The following ZC3H12B variants were observed in gnomAD, a reference collection of about 807,000 sequenced individuals.
ZC3H12B encodes probable ribonuclease ZC3H12B.
In ZC3H12B, 7 loss-of-function variants were observed where a neutral mutation model predicts 43.9. That is an observed-to-expected ratio of 0.16 (90% confidence interval 0.09 to 0.30). The LOEUF is 0.30. Ranked by LOEUF, ZC3H12B falls within the 10% of genes least tolerant of loss-of-function variation. The pLI, the probability that ZC3H12B is intolerant of heterozygous loss-of-function variation, is 1.00. For synonymous variants in ZC3H12B, 222 were observed against 241.7 expected (o/e 0.92, Z 0.76); for missense variants, 475 against 670.2 (o/e 0.71, Z 3.22).
the ZC3H12B span, among the ~76,000 whole-genome samples, chrX:65,202,147 G>GT: frequency 6.7e-3 from 433 of 64,419 alleles, 8 homozygotes; most frequent in African/African-American, 0.14. Context: ...TATATAATAT[G>GT]AAATATATAT....
At chrX:65,107,359 A>G in the ZC3H12B span, among the ~76,000 whole-genome samples, 60 of 111,413 alleles carry the variant, frequency 5.4e-4, no homozygotes, top group Non-Finnish European at 9.8e-4. Context: ...GACCTAGGTC[A>G]GTGTTAACAA....
At chrX:65,432,167 A>G (rs1454679439) in intron 3 of ZC3H12B, among the ~76,000 whole-genome samples, 1 of 111,666 alleles carries the variant, frequency 9.0e-6, no homozygotes, top group Non-Finnish European at 1.9e-5. Flanking sequence ...CTGGTCACAT[A>G]TATGCCACTT....
At chrX:65,251,034 T>A in the ZC3H12B span, among the ~76,000 whole-genome samples, 1 of 112,245 alleles carries the variant, frequency 8.9e-6, no homozygotes, top group African/African-American at 3.2e-5. Flanking sequence ...CTGAATGGTA[T>A]TGCCTAGGTT....
At chrX:65,427,389 T>C (rs1442151725) in intron 3 of ZC3H12B, among the ~76,000 whole-genome samples, 2 of 110,932 alleles carry the variant, frequency 1.8e-5, no homozygotes, top group Non-Finnish European at 3.8e-5. Context: ...AGAGTAGTGG[T>C]ATAATCTTGT....
the ZC3H12B span, among the ~76,000 whole-genome samples, chrX:65,123,603 A>T: frequency 1.8e-5 from 2 of 108,446 alleles, no homozygotes; most frequent in African/African-American, 7.1e-5. Flanking sequence ...GATTCTACCC[A>T]TCCATGAGCA....
the ZC3H12B span, among the ~76,000 whole-genome samples, chrX:65,196,818 G>A: frequency 9.0e-6 from 1 of 111,358 alleles, no homozygotes; most frequent in Non-Finnish European, 1.9e-5. Context: ...GGAAACGGAG[G>A]TTTTACCGGA....
At chrX:65,453,505 G>A (rs771926504) in intron 3 of ZC3H12B, among the ~76,000 whole-genome samples, 21 of 103,811 alleles carry the variant, frequency 2.0e-4, no homozygotes, top group African/African-American at 7.3e-4. Context: ...TGGATCACCT[G>A]AGATCAGGAG....
chrX:65,189,484 C>T, the ZC3H12B span, among the ~76,000 whole-genome samples: 4 of 107,702 alleles, frequency 3.7e-5, no homozygotes, highest in African/African-American at 1.0e-4. Flanking sequence ...TTAATGATTG[C>T]CATTCTAAAT....
At chrX:65,167,500 A>C in the ZC3H12B span, among the ~76,000 whole-genome samples, 1 of 111,300 alleles carries the variant, frequency 9.0e-6, no homozygotes, top group East Asian at 2.8e-4. Context: ...TTGTTCTTTT[A>C]GCTTAGGATT....
At chrX:65,167,291 A>C in the ZC3H12B span, among the ~76,000 whole-genome samples, 123 of 112,160 alleles carry the variant, frequency 1.1e-3, 1 homozygote, top group African/African-American at 3.7e-3. Flanking sequence ...ACCATTTATT[A>C]AATAGGGAAT....
chrX:65,159,284 G>GT, the ZC3H12B span, among the ~76,000 whole-genome samples: 2 of 109,497 alleles, frequency 1.8e-5, no homozygotes, highest in East Asian at 2.9e-4. Flanking sequence ...ATGAACTTTA[G>GT]TTTTTTCCAA....
rs752828840 is a variant in ZC3H12B at position 65,480,845 on chromosome X, T to G, written n.408-7801T>G. ...TGGGCAACAACAGTGAAACTCTGAC[T>G]CAAAAAAAAAAAAAAAGAGTACTAC... On this transcript the variant is annotated intron_variant and non_coding_transcript_variant, in intron 3 of 5. Coordinates refer to the ZC3H12B transcript ENST00000617377. Among the ~76,000 whole-genome samples, 127 of 69,295 alleles carry G rather than the reference T, an allele frequency of 1.8e-3. 1 individual carries two copies. Among genetic ancestry groups the G allele is most frequent in the African/African-American group, 0.017 (102 of 5,897 alleles). 60.2% of individuals were successfully genotyped at this position (69,295 alleles called of 115,157 possible). A position where few individuals can be genotyped will look rare whatever the true frequency, so the allele number is the denominator to read the frequency against.
the ZC3H12B span, among the ~76,000 whole-genome samples, chrX:65,250,312 A>G: frequency 9.8e-5 from 11 of 112,063 alleles, no homozygotes; most frequent in Non-Finnish European, 1.9e-4. Context: ...TATATGTGCC[A>G]CATTTGCTTA....
the ZC3H12B span, among the ~76,000 whole-genome samples, chrX:65,129,369 C>T: frequency 1.8e-5 from 2 of 108,943 alleles, no homozygotes; most frequent in South Asian, 8.0e-4. Context: ...TTTATTTCAC[C>T]TGGGTGCAGG....
intron 3 of ZC3H12B, among the ~76,000 whole-genome samples, chrX:65,401,157 C>G (rs2066758044): frequency 9.1e-6 from 1 of 110,230 alleles, no homozygotes; most frequent in Non-Finnish European, 1.9e-5. Flanking sequence ...TAACTCTATA[C>G]TGCTGAAAGA....
chrX:65,074,276 T>A, the ZC3H12B span, among the ~76,000 whole-genome samples: 4 of 111,257 alleles, frequency 3.6e-5, no homozygotes, highest in Admixed American at 3.8e-4. Flanking sequence ...ACAGGTTTTT[T>A]TTTTATTACT....
At chrX:65,235,937 T>C in the ZC3H12B span, among the ~76,000 whole-genome samples, 1 of 111,777 alleles carries the variant, frequency 8.9e-6, no homozygotes. Context: ...CAGAGCAGAA[T>C]TTTATTGAGC....
At chrX:65,056,834 C>T in the ZC3H12B span, among the ~76,000 whole-genome samples, 4 of 111,855 alleles carry the variant, frequency 3.6e-5, no homozygotes, top group African/African-American at 9.8e-5. Context: ...GATCCCTTTA[C>T]TATTATGTAA....
the ZC3H12B span, among the ~76,000 whole-genome samples, chrX:65,127,781 A>T: frequency 2.0e-4 from 22 of 110,802 alleles, no homozygotes; most frequent in Non-Finnish European, 3.8e-4. Flanking sequence ...CTGCTAAGTC[A>T]TACAGTTGTC....
Sources: gnomAD v4.1 joint callset for allele counts (sites outside exome capture counted in the v4.1 genomes callset) on GRCh38, gnomAD v4.1.1 for gene constraint, MANE v1.5 for transcripts, NCBI Gene and HGNC (gene_info 2026-07-23, HGNC 2026-07-21) for gene names.